The following BCORL1 variants were observed in gnomAD, a reference collection of about 807,000 sequenced individuals.
BCORL1 encodes the protein BCL-6 corepressor-like protein 1.
In BCORL1, 7 loss-of-function variants were observed where a neutral mutation model predicts 87.6. The observed-to-expected ratio is 0.08, with a 90% confidence interval of 0.05 to 0.15. The LOEUF is 0.15. Ranked by LOEUF, BCORL1 falls within the 10% of genes least tolerant of loss-of-function variation. The pLI is 1.00. For missense variants in BCORL1, 1,215 were observed against 1,499.7 expected, an observed-to-expected ratio of 0.81 and a Z score of 3.13; for synonymous variants, 591 against 634.4, an observed-to-expected ratio of 0.93 and a Z score of 1.03.
At chrX:130,024,128 G>A (rs1930049807) in intron 6 of BCORL1, among the ~76,000 whole-genome samples, 1 of 112,121 alleles carries the variant, frequency 8.9e-6, no homozygotes, top group African/African-American at 3.2e-5. Flanking sequence ...ATGTACTTTC[G>A]TTGTTAGCAG....
intron 1 of BCORL1, among the ~76,000 whole-genome samples, chrX:129,984,600 G>T (rs1926451094): frequency 9.0e-6 from 1 of 111,418 alleles, no homozygotes; most frequent in African/African-American, 3.3e-5. Context: ...CCCGCCGAGA[G>T]GAAGGCTGGG....
intron 11 of BCORL1, among the ~76,000 whole-genome samples, chrX:130,043,782 A>ATTTT (rs1194795876): frequency 5.0e-5 from 1 of 20,170 alleles, no homozygotes; most frequent in Non-Finnish European, 7.3e-5. Context: ...ATATATATAT[A>ATTTT]TATTTTTTTT....
chrX:129,981,042 G>C (rs1221631086), upstream of BCORL1: 1 of 111,921 alleles, frequency 8.9e-6, no homozygotes, highest in Non-Finnish European at 1.9e-5. Context: ...GCGAAGGCCA[G>C]CTTCCGCGGA....
chrX:129,983,348 ACTCCAACC>A (rs1926280563), intron 1 of BCORL1, among the ~76,000 whole-genome samples: 1 of 97,477 alleles, frequency 1.0e-5, no homozygotes, highest in South Asian at 5.3e-4. Flanking sequence ...TAACTACCTG[ACTCCAACC>A]CCCGATCCAA....
In BCORL1 at chrX:130,014,174, A is replaced by G; in HGVS notation, c.1402A>G (p.Thr468Ala). 3 of 1,210,865 alleles carry G rather than the reference A, an allele frequency of 2.5e-6. No homozygotes were observed. The highest frequency in any genetic ancestry group is 1.8e-5 in the South Asian group (1 of 56,904). Residue 468 changes from threonine to alanine, a missense_variant, in exon 4 of 14, where the codon ACC becomes GCC. By Grantham distance (58) the Thr-to-Ala change is moderately conservative. Coordinates refer to ENST00000540052, the MANE Select transcript of BCORL1 (RefSeq NM_001379451.1). Reference protein sequence around the residue: ...GQPLSVATLPTTLGVSSTLTL... With the variant: ...GQPLSVATLPATLGVSSTLTL... ...GCCACTCAGTGTGGCCACACTGCCA[A>G]CCACTCTAGGGGTTTCCTCCACTCT...
intron 1 of BCORL1, among the ~76,000 whole-genome samples, chrX:129,998,413 A>G (rs1356111131): frequency 9.0e-6 from 1 of 111,252 alleles, no homozygotes; most frequent in Admixed American, 9.6e-5. Flanking sequence ...GCTTCAAGCA[A>G]AAGCAAGCCA....
intron 1 of BCORL1, among the ~76,000 whole-genome samples, chrX:129,989,259 G>A (rs1048574301): frequency 5.9e-5 from 6 of 101,534 alleles, no homozygotes; most frequent in Non-Finnish European, 8.0e-5. Context: ...CCTCAGCCTC[G>A]CAAGTAGCTG....
chrX:129,988,464 TA>T (rs545522151), intron 1 of BCORL1, among the ~76,000 whole-genome samples: 22 of 105,841 alleles, frequency 2.1e-4, no homozygotes, highest in African/African-American at 3.1e-4. Context: ...ATCTTTTTTT[TA>T]AAAAAAAAAA....
At chrX:130,042,936 G>A (rs1931429956) in intron 11 of BCORL1, among the ~76,000 whole-genome samples, 1 of 109,278 alleles carries the variant, frequency 9.2e-6, no homozygotes. Flanking sequence ...TCACACCACT[G>A]CACTCCAGCC....
chrX:130,056,021 G>A lies in BCORL1; in HGVS notation c.5243G>A (p.Gly1748Asp), dbSNP rs780165329. 4.1e-6 allele frequency: 5 copies of A among 1,210,821 alleles called. No individual in the cohort carries two copies. In the African/African-American group the frequency reaches 5.2e-5, roughly 13 times the overall value. The change falls in exon 14 of 14, where the codon GGC (glycine) becomes GAC (aspartate). Residue 1748 changes from glycine to aspartate, a missense_variant. This residue lies in a region of BCORL1 where 129 missense variants were observed against 157.5 expected (regional missense o/e 0.82). Coordinates refer to ENST00000540052, the MANE Select transcript of BCORL1 (RefSeq NM_001379451.1). ...QLLTPAERPG[G>D]LDDRSPPGSS... The stretch of plus-strand genomic sequence containing the variant: ...CTGACCCCTGCCGAGAGGCCTGGAG[G>A]CTTGGACGACAGATCCCCCCCAGGC...
At chrX:130,017,240 C>G (rs1929502646) in intron 4 of BCORL1, among the ~76,000 whole-genome samples, 1 of 111,001 alleles carries the variant, frequency 9.0e-6, no homozygotes, top group African/African-American at 3.3e-5. Context: ...CCAGGGACTG[C>G]AGGTTAAGAA....
rs1306516372 is a variant in BCORL1, at chrX:130,013,854, C to T, written c.1082C>T (p.Thr361Ile). 6 of 1,166,862 alleles carry T rather than the reference C, an allele frequency of 5.1e-6. No individual in the cohort carries two copies. Among genetic ancestry groups the T allele is most frequent in the Non-Finnish European group, 5.7e-6 (5 of 872,833 alleles). Reference protein sequence around the residue: ...APPSVPMPTPTPSSGPPSTPT... With the variant: ...APPSVPMPTPIPSSGPPSTPT... ...CCGTCTGTGCCCATGCCCACTCCAA[C>T]CCCATCTTCCGGCCCACCTTCTACC... The change falls in exon 4 of 14, where the codon ACC becomes ATC. Residue 361 changes from threonine to isoleucine, a missense_variant. By Grantham distance (89) the Thr-to-Ile change is moderately conservative (BLOSUM62 -1). Around this residue, in one of 5 missense-constraint regions of BCORL1, gnomAD observed 861 missense variants for 1,010.0 expected, o/e 0.85. Transcript: ENST00000540052.
chrX:129,990,878 C>A (rs1004188298), intron 1 of BCORL1, among the ~76,000 whole-genome samples: 2 of 111,160 alleles, frequency 1.8e-5, no homozygotes, highest in Non-Finnish European at 3.8e-5. Flanking sequence ...TTTTTAAAAA[C>A]CATTGCTTTC....
At chrX:130,018,908 G>C (rs1929618112) in intron 4 of BCORL1, among the ~76,000 whole-genome samples, 1 of 112,102 alleles carries the variant, frequency 8.9e-6, no homozygotes, top group Admixed American at 9.4e-5. Flanking sequence ...TCAGGGGTTT[G>C]TTTGAAATAG....
chrX:130,046,276 G>A (rs746205420), intron 11 of BCORL1, among the ~76,000 whole-genome samples: 1 of 111,305 alleles, frequency 9.0e-6, no homozygotes, highest in South Asian at 3.8e-4. Context: ...GACAGAGCAA[G>A]ACCCTGTCTC....
At chrX:130,020,007 TG>T (rs1454032658) in intron 4 of BCORL1, among the ~76,000 whole-genome samples, 1 of 112,033 alleles carries the variant, frequency 8.9e-6, no homozygotes, top group Non-Finnish European at 1.9e-5. Flanking sequence ...TGCCAGGCAG[TG>T]GGCGTGGGAG....
intron 5 of BCORL1, 28 bp downstream of exon 5, chrX:130,021,178 G>A (rs1929776311): frequency 2.5e-6 from 3 of 1,184,921 alleles, no homozygotes; most frequent in Non-Finnish European, 3.4e-6. Context: ...GGCCCTCTGG[G>A]CTGGGCTGCA....
At chrX:130,055,738 A>T in intron 13 of BCORL1, 116 bp from the exon 14 acceptor site, 1 of 822,312 alleles carries the variant, frequency 1.2e-6, no homozygotes, top group Non-Finnish European at 1.7e-6. Flanking sequence ...GCAGTGAGTT[A>T]TAATGGGAGA....
rs775690844 is a variant in BCORL1 at position 130,013,465 on chromosome X, C to T, written c.693C>T (p.Val231=). Residue 231 remains valine (V), a synonymous_variant, in exon 4 of 14, where the codon GTC becomes GTT. Transcript: ENST00000540052. ...TTCCCCTCTCCGTCCCTGCCCCAGT[C>T]CCCCATTCAGGGCTTGTTCCAGTCC... ...FQVPLSVPAP[V]PHSGLVPVQV... 5 of 1,208,604 alleles carry T rather than the reference C, an allele frequency of 4.1e-6. No individual in the cohort carries two copies. In the South Asian group the frequency reaches 7.1e-5, roughly 17 times the overall value.
Sources: gnomAD v4.1 joint callset for allele counts (sites outside exome capture counted in the v4.1 genomes callset) on GRCh38, gnomAD v4.1.1 for gene constraint, gnomAD v4.1.1 regional missense constraint, MANE v1.5 for transcripts, NCBI Gene and HGNC (gene_info 2026-07-23, HGNC 2026-07-21) for gene names.